The following ADCY3 variants were observed in gnomAD, a reference collection of about 807,000 sequenced individuals.
ADCY3 encodes the protein adenylate cyclase type 3.
ADCY3 carries 70 observed loss-of-function variants against 119.4 expected under a neutral mutation model. That is an observed-to-expected ratio of 0.59 (90% CI 0.48 to 0.72). ADCY3 has a LOEUF of 0.72. ADCY3 is among the 30% of genes least tolerant of loss of function. The pLI, the probability that ADCY3 is intolerant of heterozygous loss-of-function variation, is 0.00. For synonymous variants in ADCY3, 672 were observed against 621.4 expected, an observed-to-expected ratio of 1.08 and a Z score of -1.21; for missense variants, 1,238 against 1,541.6, an observed-to-expected ratio of 0.80 and a Z score of 3.30.
intron 3 of ADCY3, among the ~76,000 whole-genome samples, chr2:24,871,125 G>A (rs1039445446): frequency 8.0e-6 from 1 of 124,440 alleles, no homozygotes; most frequent in Admixed American, 8.0e-5. Context: ...GCTAGGCGGT[G>A]ACACATGCAT....
At chr2:24,883,981 T>G (rs1676713818) in intron 2 of ADCY3, among the ~76,000 whole-genome samples, 1 of 152,170 alleles carries the variant, frequency 6.6e-6, no homozygotes, top group African/African-American at 2.4e-5. Flanking sequence ...CATCATCTGC[T>G]CTCCTGAATC....
intron 2 of ADCY3, among the ~76,000 whole-genome samples, chr2:24,901,201 C>T (rs1046182794): frequency 1.1e-4 from 17 of 152,216 alleles, no homozygotes; most frequent in African/African-American, 3.6e-4. Flanking sequence ...CAAGATAGTC[C>T]AGTCCCTCCA....
chr2:24,858,246 C>A (rs1234139603), intron 3 of ADCY3, among the ~76,000 whole-genome samples: 1 of 151,586 alleles, frequency 6.6e-6, no homozygotes. Flanking sequence ...GCTCAGTGAC[C>A]CAGTTAGAAT....
chr2:24,907,240 G>A (rs969517176), intron 2 of ADCY3, among the ~76,000 whole-genome samples: 1 of 151,964 alleles, frequency 6.6e-6, no homozygotes, highest in African/African-American at 2.4e-5. Flanking sequence ...GAGCTGGATA[G>A]GCAGCTGTCG....
Position 24,819,288 on chromosome 2 carries a change from A to C in ADCY3, c.*644T>G, listed in dbSNP as rs1667164290. On this transcript the variant is annotated 3_prime_UTR_variant, in exon 22 of 22. Coordinates refer to ENST00000679454, the MANE Select transcript of ADCY3 (RefSeq NM_004036.5). ...AGCTCAAAAGGCAAGGCAATATCGG[A>C]AAGTGTATTTAACAGAAGATTAAAA... The C allele has an allele frequency of 6.5e-6, 1 of 152,704 alleles. No homozygotes were observed. Among genetic ancestry groups the C allele is most frequent in the African/African-American group, 2.4e-5 (1 of 41,476 alleles). 9.5% of individuals were successfully genotyped at this position (152,704 alleles called of 1,614,324 possible).
At position 24,838,583 on chromosome 2, in the gene ADCY3, T is replaced by G. The variant is rs1670596583; in HGVS notation, c.1395A>C (p.Lys465Asn). The G allele has an allele frequency of 6.2e-7, 1 of 1,614,044 alleles. No homozygotes were observed. Among genetic ancestry groups the G allele is most frequent in the Non-Finnish European group, 8.5e-7 (1 of 1,180,058 alleles). The change falls in exon 8 of 22, where the codon AAA (lysine) becomes AAC (asparagine). Residue 465 changes from lysine to asparagine, a missense_variant. This residue lies in a region of ADCY3 where 283 missense variants were observed against 437.2 expected (regional missense o/e 0.65). Coordinates refer to ENST00000679454, the MANE Select transcript of ADCY3 (RefSeq NM_004036.5). ...HISQSTMDCL[K>N]GEFDVEPGDG... ...CGCCTGGCTCCACATCAAACTCCCC[T>G]TTCAGGCAGTCCATGGTGCTCTGGG...
intron 19 of ADCY3, 113 bp downstream of exon 19, chr2:24,822,398 G>C: frequency 7.1e-7 from 1 of 1,417,902 alleles, no homozygotes; most frequent in Non-Finnish European, 9.7e-7. Flanking sequence ...CTGGTGGTGT[G>C]TGTCTGGGAC....
intron 20 of ADCY3, 49 bp downstream of exon 20, chr2:24,821,468 T>C: frequency 6.2e-7 from 1 of 1,604,466 alleles, no homozygotes; most frequent in Non-Finnish European, 8.5e-7. Flanking sequence ...GCCAGGCCCC[T>C]GCATGGGAAG....
At chr2:24,843,777 G>A (rs891597448) in intron 3 of ADCY3, among the ~76,000 whole-genome samples, 4 of 152,368 alleles carry the variant, frequency 2.6e-5, no homozygotes, top group South Asian at 2.1e-4. Flanking sequence ...GAGAGGCAGT[G>A]GGCTGAACCA....
At position 24,819,849 on chromosome 2, in the gene ADCY3, C is replaced by T. The variant is rs767620428; in HGVS notation, c.*83G>A. 5.7e-5 allele frequency: 83 copies of T among 1,445,628 alleles called. No individual in the cohort carries two copies. The highest frequency in any genetic ancestry group is 7.5e-5 in the Non-Finnish European group (80 of 1,060,790). 89.6% of individuals were successfully genotyped at this position (1,445,628 alleles called of 1,614,324 possible). A position where few individuals can be genotyped will look rare whatever the true frequency, so the allele number is the denominator to read the frequency against. On this transcript the variant is annotated 3_prime_UTR_variant, in exon 22 of 22. Transcript: ENST00000679454. Reference sequence around the variant, plus strand: ...ACCTAAAGTCCATGAGTGTGCACTTCAATCCAGGAAGGTCGGGACTTCCTT... The same window carrying T: ...ACCTAAAGTCCATGAGTGTGCACTTTAATCCAGGAAGGTCGGGACTTCCTT...
At chr2:24,829,678 T>TCC (rs1472414454) in intron 13 of ADCY3, among the ~76,000 whole-genome samples, 5 of 151,964 alleles carry the variant, frequency 3.3e-5, no homozygotes, top group East Asian at 3.9e-4. Flanking sequence ...CGCCTTGGCC[T>TCC]CCCAAAGTGC....
intron 2 of ADCY3, among the ~76,000 whole-genome samples, chr2:24,883,366 A>C (rs894226834): frequency 5.9e-5 from 9 of 151,970 alleles, no homozygotes; most frequent in African/African-American, 1.2e-4. Flanking sequence ...TAAAAAAAAG[A>C]AGCTAGCAGT....
chr2:24,838,406 GGGGTGGGTGGGGT>G lies in ADCY3; in HGVS notation c.1533+26_1533+38del, dbSNP rs1332424555. On this transcript the variant is annotated intron_variant, in intron 8 of 21. Coordinates refer to ENST00000679454, the MANE Select transcript of ADCY3 (RefSeq NM_004036.5). ...CTTTCCAACCCCCTAATCCAGGGGT[GGGGTGGGTGGGGT>G]GGGTGGGGTGGGGTGGGGAACTCAC... 1.0e-5 allele frequency: 8 copies of G among 791,308 alleles called. No individual in the cohort carries two copies. The African/African-American group carries it at 2.3e-4, about 22-fold the overall frequency. The allele number at this position is 791,308 out of a possible 1,614,324, so 49.0% of individuals were successfully genotyped here. A position where few individuals can be genotyped will look rare whatever the true frequency, so the allele number is the denominator to read the frequency against.
chr2:24,915,393 C>G (rs1664329129), intron 2 of ADCY3, among the ~76,000 whole-genome samples: 1 of 152,100 alleles, frequency 6.6e-6, no homozygotes, highest in African/African-American at 2.4e-5. Flanking sequence ...GTCCTCCAGC[C>G]CTTGCCCCCG....
intron 3 of ADCY3, among the ~76,000 whole-genome samples, chr2:24,846,642 A>G (rs1037235153): frequency 3.3e-5 from 5 of 150,302 alleles, no homozygotes; most frequent in African/African-American, 1.2e-4. Flanking sequence ...GCTGTAGTGC[A>G]ATCTCAGCTC....
chr2:24,820,669 C>A, intron 21 of ADCY3, 55 bp downstream of exon 21: 2 of 1,607,600 alleles, frequency 1.2e-6, no homozygotes, highest in Non-Finnish European at 1.7e-6. Flanking sequence ...AGCACTGTTC[C>A]GGTTTTGTTC....
intron 17 of ADCY3, 77 bp downstream of exon 17, chr2:24,824,301 C>T (rs1668280283): frequency 6.4e-7 from 1 of 1,562,028 alleles, no homozygotes; most frequent in African/African-American, 1.3e-5. Flanking sequence ...GGCCTGGGCC[C>T]AGCGGGGGCT....
At chr2:24,893,468 G>C (rs565891562) in intron 2 of ADCY3, among the ~76,000 whole-genome samples, 2 of 151,790 alleles carry the variant, frequency 1.3e-5, no homozygotes, top group East Asian at 3.9e-4. Flanking sequence ...CCTTGCACCT[G>C]GGCATCACAA....
In ADCY3 at chr2:24,841,599, T is replaced by C. The variant is rs1472240137; in HGVS notation, c.1025A>G (p.Lys342Arg). The change falls in exon 5 of 22, where the codon AAG becomes AGG. Residue 342 changes from lysine (K) to arginine (R), a missense_variant. Physicochemically the swap from Lys to Arg is conservative, Grantham distance 26. Coordinates refer to ENST00000679454, the MANE Select transcript of ADCY3 (RefSeq NM_004036.5). This position sits in a 1 kb window ranked among gnomAD's most constrained non-coding sequence, Gnocchi z 5.8. ...SSACSAQELVKLLNELFARFD... is the reference protein window; with the variant it reads ...SSACSAQELVRLLNELFARFD... The stretch of plus-strand genomic sequence containing the variant: ...GCGGGCAAAGAGCTCGTTGAGCAGC[T>C]TCACAAGCTCCTGGGCACTGCAGGC... 2 of 1,613,468 alleles carry C rather than the reference T, an allele frequency of 1.2e-6. No homozygotes were observed. Among genetic ancestry groups the C allele is most frequent in the Non-Finnish European group, 1.7e-6 (2 of 1,179,978 alleles).
Sources: gnomAD v4.1 joint callset for allele counts (sites outside exome capture counted in the v4.1 genomes callset) on GRCh38, gnomAD v4.1.1 for gene constraint, gnomAD v4.1.1 regional missense constraint, Gnocchi (gnomAD v3.1) non-coding constraint, MANE v1.5 for transcripts, NCBI Gene and HGNC (gene_info 2026-07-23, HGNC 2026-07-21) for gene names.